The following LIFR variants were observed in gnomAD, a reference collection of about 807,000 sequenced individuals.
LIFR encodes the protein leukemia inhibitory factor receptor.
In LIFR, 84 loss-of-function variants were observed where a neutral mutation model predicts 122.2. That is an observed-to-expected ratio of 0.69 (90% CI 0.58 to 0.82). LIFR has a LOEUF of 0.82. Ranked by LOEUF, LIFR falls within the 40% of genes least tolerant of loss-of-function variation. The pLI, the probability that LIFR is intolerant of heterozygous loss-of-function variation, is 0.00. For synonymous variants in LIFR, 422 were observed against 434.7 expected, an observed-to-expected ratio of 0.97 and a Z score of 0.36; for missense variants, 1,294 against 1,311.6, an observed-to-expected ratio of 0.99 and a Z score of 0.21.
intron 1 of LIFR, among the ~76,000 whole-genome samples, chr5:38,583,341 A>T (rs1749647435): frequency 6.6e-6 from 1 of 152,208 alleles, no homozygotes; most frequent in South Asian, 2.1e-4. Context: ...TTCATATATA[A>T]GCACCATGCA....
At chr5:38,516,116 A>G (rs1746066243) in intron 5 of LIFR, among the ~76,000 whole-genome samples, 1 of 152,094 alleles carries the variant, frequency 6.6e-6, no homozygotes, top group Non-Finnish European at 1.5e-5. Flanking sequence ...ATTTTTTCCC[A>G]AAAGTAAGGA....
rs749096423 is a variant in LIFR at position 38,523,556 on chromosome 5, A to C, written c.424T>G (p.Leu142Val). ...GTTGAGAAATCAGCAGACAAATTCAAGATCTCTGGAGTATCTGGAATTAAG... is the reference window on the plus strand; with the variant it reads ...GTTGAGAAATCAGCAGACAAATTCACGATCTCTGGAGTATCTGGAATTAAG... Reference protein sequence around the residue: ...VSLIPDTPEILNLSADFSTST... With the variant: ...VSLIPDTPEIVNLSADFSTST... Residue 142 changes from leucine to valine, a missense_variant, in exon 5 of 20, where the codon TTG becomes GTG. Coordinates refer to ENST00000453190, the MANE Select transcript of LIFR (RefSeq NM_001127671.2). 6.2e-7 allele frequency: 1 copy of C among 1,613,336 alleles called. No homozygotes were observed. The highest frequency in any genetic ancestry group is 8.5e-7 in the Non-Finnish European group (1 of 1,179,388).
rs117616598 is a variant in LIFR, at chr5:38,507,501, C to T, written c.992-869G>A. 0.019 allele frequency among the ~76,000 whole-genome samples: 2,677 copies of T among 143,182 alleles called. 195 individuals carry two copies. The East Asian group carries it at 0.26, about 14-fold the overall frequency. 93.9% of individuals were successfully genotyped at this position (143,182 alleles called of 152,430 possible). A position where few individuals can be genotyped will look rare whatever the true frequency, so the allele number is the denominator to read the frequency against. On this transcript the variant is annotated intron_variant, in intron 7 of 19. Transcript: ENST00000453190. ...ACCGCTTGAACCTGGGAGGTGGAGG[C>T]TGCACTGAACCCAGATTGTGCCACT...
At chr5:38,511,437 G>A (rs1190971457) in intron 6 of LIFR, among the ~76,000 whole-genome samples, 1 of 151,538 alleles carries the variant, frequency 6.6e-6, no homozygotes, top group Non-Finnish European at 1.5e-5. Flanking sequence ...AGCCTCTAGG[G>A]GTCTGCTCTG....
intron 11 of LIFR, among the ~76,000 whole-genome samples, chr5:38,500,661 T>C (rs1158324091): frequency 6.6e-6 from 1 of 152,170 alleles, no homozygotes; most frequent in African/African-American, 2.4e-5. Context: ...CAGTAAATAT[T>C]TGTTGAGTAA....
chr5:38,511,734 T>C (rs1257414919), intron 6 of LIFR, 56 bp downstream of exon 6: 14 of 1,538,536 alleles, frequency 9.1e-6, no homozygotes, highest in Non-Finnish European at 1.2e-5. Context: ...AATCTTACTC[T>C]TAAGTGAGAC....
intron 1 of LIFR, among the ~76,000 whole-genome samples, chr5:38,531,422 A>T (rs1206532280): frequency 6.6e-6 from 1 of 152,152 alleles, no homozygotes; most frequent in Non-Finnish European, 1.5e-5. Context: ...TAGGATAACC[A>T]AAAGGAAAAT....
chr5:38,526,865 C>T lies in LIFR; in HGVS notation c.397+290G>A, dbSNP rs189695423. ...AGTAGCTTCCCAGATAAGACTACAC[C>T]CTAGAGCAAGGGGCATCTGAGAAAT... On this transcript the variant is annotated intron_variant, in intron 4 of 19. Coordinates refer to ENST00000453190, the MANE Select transcript of LIFR (RefSeq NM_001127671.2). Among the ~76,000 whole-genome samples, 123 of 152,112 alleles carry T rather than the reference C, an allele frequency of 8.1e-4. 1 individual carries two copies. Among genetic ancestry groups the T allele is most frequent in the African/African-American group, 2.9e-3 (120 of 41,512 alleles).
chr5:38,528,192 T>A (rs1180792006), intron 3 of LIFR, among the ~76,000 whole-genome samples: 2 of 152,210 alleles, frequency 1.3e-5, no homozygotes, highest in Non-Finnish European at 2.9e-5. Context: ...CTGTGCCTAC[T>A]CCAGAATTAC....
In LIFR at chr5:38,475,657, A is replaced by G. The variant is rs1345141070; in HGVS notation, c.*5938T>C. On this transcript the variant is annotated 3_prime_UTR_variant, in exon 20 of 20. Coordinates refer to ENST00000453190, the MANE Select transcript of LIFR (RefSeq NM_001127671.2). ...CAAACCTTATAAAAGACAGAAACTT[A>G]TATCTGTTCACAGTATGTGTATTTT... is the stretch of plus-strand genomic sequence containing the variant. 3 of 186,724 alleles carry G rather than the reference A, an allele frequency of 1.6e-5. No homozygotes were observed. Among genetic ancestry groups the G allele is most frequent in the South Asian group, 2.0e-4 (1 of 5,118 alleles). 11.6% of individuals were successfully genotyped at this position (186,724 alleles called of 1,614,324 possible).
chr5:38,588,265 T>A (rs1561229036), intron 1 of LIFR, among the ~76,000 whole-genome samples: 1 of 152,162 alleles, frequency 6.6e-6, no homozygotes, highest in Non-Finnish European at 1.5e-5. Flanking sequence ...CCTAGAACTG[T>A]CCTCTGGGAA....
At chr5:38,528,573 G>A (rs898270109) in intron 3 of LIFR, 153 bp downstream of exon 3, 3 of 677,230 alleles carry the variant, frequency 4.4e-6, no homozygotes, top group African/African-American at 1.8e-5. Context: ...TGCCCTACAG[G>A]AGAAAAATGA....
intron 1 of LIFR, among the ~76,000 whole-genome samples, chr5:38,562,690 G>A (rs1748880972): frequency 1.3e-5 from 2 of 152,212 alleles, no homozygotes; most frequent in Non-Finnish European, 2.9e-5. Flanking sequence ...GCCAGGGGTG[G>A]TGGAGTGGTT....
At chr5:38,496,232 C>T (rs1249434519) in intron 13 of LIFR, 150 bp downstream of exon 13, 2 of 703,156 alleles carry the variant, frequency 2.8e-6, no homozygotes, top group Non-Finnish European at 5.1e-6. Flanking sequence ...TCTCAATGAA[C>T]TGTAGACATC....
In LIFR at chr5:38,490,287, C is replaced by T. The variant is rs376494247; in HGVS notation, c.2070G>A (p.Glu690=). 6.3e-6 allele frequency: 9 copies of T among 1,435,994 alleles called. No individual in the cohort carries two copies. The African/African-American group carries it at 8.4e-5, about 13-fold the overall frequency. 89.0% of individuals were successfully genotyped at this position (1,435,994 alleles called of 1,614,324 possible). A position where few individuals can be genotyped will look rare whatever the true frequency, so the allele number is the denominator to read the frequency against. ...AATTATATCTTATACCTGGTCGAAA[C>T]TCATCTATAGGATGAACATATCAGC... ...NSTETVIESD[E]FRPGIRYNFF... The change falls in exon 15 of 20, where the codon GAG becomes GAA. Residue 690 remains glutamate, a synonymous_variant. Coordinates refer to ENST00000453190, the MANE Select transcript of LIFR (RefSeq NM_001127671.2).
chr5:38,560,637 T>C (rs534692746), upstream of LIFR, among the ~76,000 whole-genome samples: 2 of 151,758 alleles, frequency 1.3e-5, no homozygotes, highest in East Asian at 3.9e-4. Context: ...TGCTCTGTCG[T>C]CCAGGCTGGA....
chr5:38,555,355 A>C (rs1267068741), intron 1 of LIFR, among the ~76,000 whole-genome samples: 1 of 152,226 alleles, frequency 6.6e-6, no homozygotes, highest in East Asian at 1.9e-4. Flanking sequence ...TGGTTTTTCC[A>C]CTTGTGAAAA....
chr5:38,543,343 A>ATC (rs1747694773), intron 1 of LIFR, among the ~76,000 whole-genome samples: 1 of 152,184 alleles, frequency 6.6e-6, no homozygotes, highest in South Asian at 2.1e-4. Flanking sequence ...GAGGAAATAG[A>ATC]TTAAGTGACT....
At chr5:38,543,257 C>T (rs143497712) in intron 1 of LIFR, among the ~76,000 whole-genome samples, 409 of 152,018 alleles carry the variant, frequency 2.7e-3, no homozygotes, top group African/African-American at 9.5e-3. Context: ...GCCACATGCT[C>T]CAGGGAGGCC....
Sources: allele counts gnomAD v4.1 joint callset (sites outside exome capture counted in the v4.1 genomes callset), GRCh38; gene constraint gnomAD v4.1.1; transcripts MANE v1.5; gene names NCBI Gene and HGNC (gene_info 2026-07-23, HGNC 2026-07-21).